NRXN3: variants seen among roughly 807,000 people sequenced by gnomAD.
NRXN3 encodes neurexin 3.
Under a neutral mutation model 137.6 loss-of-function variants are expected in NRXN3, and 32 were observed. The ratio of observed to expected loss-of-function variants is 0.23; its 90% CI spans 0.18 to 0.31. NRXN3 has a LOEUF of 0.31. Ranked by LOEUF, NRXN3 falls within the 10% of genes least tolerant of loss-of-function variation. The pLI is 1.00. For missense variants in NRXN3, 1,574 were observed against 2,062.5 expected (o/e 0.76, Z 4.59); for synonymous variants, 798 against 784.5 (o/e 1.02, Z -0.29).
chr14:79,657,030 C>G lies in NRXN3; in HGVS notation c.3445-6748C>G, dbSNP rs2098509765. Among the ~76,000 whole-genome samples the G allele has an allele frequency of 2.0e-5, 3 of 152,128 alleles. No individual in the cohort carries two copies. In the South Asian group the frequency reaches 6.2e-4, roughly 32 times the overall value. On this transcript the variant is annotated intron_variant, in intron 16 of 20. Coordinates refer to ENST00000335750, the MANE Select transcript of NRXN3 (RefSeq NM_001330195.2). Reference sequence around the variant, plus strand: ...CATCCATATTAGTACTATTTCTCAGCTAGCATCACTATTATCACCATCTCC... The same window carrying G: ...CATCCATATTAGTACTATTTCTCAGGTAGCATCACTATTATCACCATCTCC...
intron 8 of NRXN3, among the ~76,000 whole-genome samples, chr14:78,736,288 T>C (rs191423869): frequency 7.2e-5 from 11 of 152,328 alleles, no homozygotes; most frequent in Admixed American, 7.2e-4. Context: ...GATGGTGTGA[T>C]GGATAGACTG....
intron 1 of NRXN3, among the ~76,000 whole-genome samples, chr14:78,215,702 T>G (rs1424683710): frequency 1.4e-5 from 2 of 145,002 alleles, no homozygotes; most frequent in African/African-American, 5.1e-5. Flanking sequence ...AGCTGTTTCC[T>G]GCCGCTGCTT....
rs12896048 is a variant in NRXN3 at position 79,385,211 on chromosome 14, G to T, written c.3263-82010G>T. Among the ~76,000 whole-genome samples, 77 of 100,228 alleles carry T rather than the reference G, an allele frequency of 7.7e-4. 2 individuals carry two copies. Among genetic ancestry groups the T allele is most frequent in the Non-Finnish European group, 1.2e-3 (61 of 49,182 alleles). The allele number at this position is 100,228 out of a possible 152,430, so 65.8% of individuals were successfully genotyped here. On this transcript the variant is annotated intron_variant, in intron 15 of 20. Transcript: ENST00000335750. Reference sequence around the variant, plus strand: ...ATCTCCCAATGCTATCCTTCCCCCCGCCCCCACCCCACCACAGTCCCCAGA... The same window carrying T: ...ATCTCCCAATGCTATCCTTCCCCCCTCCCCCACCCCACCACAGTCCCCAGA...
intron 16 of NRXN3, among the ~76,000 whole-genome samples, chr14:79,540,040 A>T (rs899883522): frequency 2.6e-5 from 4 of 152,142 alleles, no homozygotes; most frequent in Admixed American, 2.6e-4. Context: ...AAAATTCCCA[A>T]AGCTCATATT....
intron 20 of NRXN3, among the ~76,000 whole-genome samples, chr14:79,844,747 C>T (rs1294438625): frequency 2.6e-5 from 4 of 152,086 alleles, no homozygotes; most frequent in Non-Finnish European, 4.4e-5. Context: ...CTTAAGAACC[C>T]TAGGAATTTT....
intron 16 of NRXN3, among the ~76,000 whole-genome samples, chr14:79,604,898 G>C (rs1240996580): frequency 6.6e-6 from 1 of 151,994 alleles, no homozygotes; most frequent in Non-Finnish European, 1.5e-5. Context: ...TGGGCATGGT[G>C]GTGGGTACAT....
intron 4 of NRXN3, among the ~76,000 whole-genome samples, chr14:78,356,366 A>G (rs931980592): frequency 6.6e-6 from 1 of 152,256 alleles, no homozygotes; most frequent in Non-Finnish European, 1.5e-5. Flanking sequence ...AGATATTTCA[A>G]TTCTATGCCT....
intron 15 of NRXN3, among the ~76,000 whole-genome samples, chr14:79,158,425 A>G (rs1435747113): frequency 6.6e-6 from 1 of 151,870 alleles, no homozygotes; most frequent in Non-Finnish European, 1.5e-5. Context: ...ATTATGATGT[A>G]TGAAGCTTCA....
At chr14:79,809,320 G>A (rs1310154963) in intron 20 of NRXN3, among the ~76,000 whole-genome samples, 1 of 151,966 alleles carries the variant, frequency 6.6e-6, no homozygotes, top group African/African-American at 2.4e-5. Context: ...TGTATTTTTG[G>A]TAGAGACAGG....
At chr14:79,581,780 C>T (rs1446774334) in intron 16 of NRXN3, among the ~76,000 whole-genome samples, 2 of 152,068 alleles carry the variant, frequency 1.3e-5, no homozygotes, top group African/African-American at 4.8e-5. Context: ...CGTTTTGTTT[C>T]TCACCAACAC....
At chr14:78,651,024 A>G (rs1400541220) in intron 5 of NRXN3, 141 bp from the exon 6 acceptor site, 25 of 837,628 alleles carry the variant, frequency 3.0e-5, no homozygotes, top group Non-Finnish European at 4.5e-5. Flanking sequence ...GGCTGCACAT[A>G]CCAAAATCAA....
At chr14:78,436,534 C>T (rs2094072356) in intron 4 of NRXN3, among the ~76,000 whole-genome samples, 1 of 152,154 alleles carries the variant, frequency 6.6e-6, no homozygotes, top group Non-Finnish European at 1.5e-5. Flanking sequence ...CAGCTCTGTC[C>T]AGTGGAAATT....
intron 6 of NRXN3, among the ~76,000 whole-genome samples, chr14:78,705,142 C>A (rs1207016629): frequency 6.6e-6 from 1 of 152,190 alleles, no homozygotes; most frequent in African/African-American, 2.4e-5. Context: ...CCATGGGGAG[C>A]CGTTTCTACT....
intron 10 of NRXN3, among the ~76,000 whole-genome samples, chr14:78,887,512 A>G (rs1049436752): frequency 6.6e-6 from 1 of 152,108 alleles, no homozygotes; most frequent in Non-Finnish European, 1.5e-5. Flanking sequence ...GGACTCAAAC[A>G]TAAGTGCATG....
chr14:78,503,591 G>A (rs1478785317), intron 4 of NRXN3, among the ~76,000 whole-genome samples: 1 of 152,120 alleles, frequency 6.6e-6, no homozygotes. Flanking sequence ...AAGCTTTGAG[G>A]TATGTGTAGG....
chr14:78,698,743 T>C (rs908998022), intron 6 of NRXN3, among the ~76,000 whole-genome samples: 10 of 152,006 alleles, frequency 6.6e-5, no homozygotes, highest in Non-Finnish European at 1.3e-4. Flanking sequence ...CACTCTGGGG[T>C]GCAGAACTTT....
intron 15 of NRXN3, among the ~76,000 whole-genome samples, chr14:79,341,128 T>C (rs1417355816): frequency 6.6e-6 from 1 of 152,178 alleles, no homozygotes; most frequent in Non-Finnish European, 1.5e-5. Context: ...GGGGCTCTTT[T>C]CTGAAATTGC....
intron 4 of NRXN3, among the ~76,000 whole-genome samples, chr14:78,415,926 A>G (rs1420674017): frequency 2.0e-5 from 3 of 151,978 alleles, no homozygotes; most frequent in African/African-American, 7.3e-5. Context: ...CTGTAGAAAC[A>G]TGAGATATAA....
At chr14:79,343,321 A>G (rs1384130654) in intron 15 of NRXN3, among the ~76,000 whole-genome samples, 1 of 152,186 alleles carries the variant, frequency 6.6e-6, no homozygotes, top group East Asian at 1.9e-4. Context: ...TGTAAGCTAT[A>G]AAGTATAAAC....
Sources: gnomAD v4.1 joint callset for allele counts (sites outside exome capture counted in the v4.1 genomes callset) on GRCh38, gnomAD v4.1.1 for gene constraint, MANE v1.5 for transcripts, NCBI Gene and HGNC (gene_info 2026-07-23, HGNC 2026-07-21) for gene names.